CIRSR: variants seen among roughly 807,000 people sequenced by gnomAD.
CIRSR encodes the protein corepressor of RBPJ and splicing regulator.
At chr2:174,387,826 TAAAC>T in the CIRSR span, 1 of 1,482,548 alleles carries the variant, frequency 6.7e-7, no homozygotes, top group Non-Finnish European at 9.1e-7. Context: ...GGATTTAAAT[TAAAC>T]AAACTTTGCT....
chr2:174,351,869 A>C, the CIRSR span: 4 of 517,732 alleles, frequency 7.7e-6, no homozygotes, highest in African/African-American at 2.0e-5. Context: ...AAATAATCAG[A>C]TATGATTTTC....
chr2:174,354,480 ATAT>A, the CIRSR span, among the ~76,000 whole-genome samples: 1 of 87,392 alleles, frequency 1.1e-5, no homozygotes, highest in South Asian at 2.8e-4. Flanking sequence ...TATATAATAT[ATAT>A]TATATTATAT....
At chr2:174,360,532 T>A in the CIRSR span, among the ~76,000 whole-genome samples, 1 of 152,342 alleles carries the variant, frequency 6.6e-6, no homozygotes, top group South Asian at 2.1e-4. Flanking sequence ...ATTCTCCTTT[T>A]CTCAGGTAAT....
chr2:174,377,157 C>T, the CIRSR span, among the ~76,000 whole-genome samples: 3 of 151,982 alleles, frequency 2.0e-5, no homozygotes, highest in Non-Finnish European at 4.4e-5. Flanking sequence ...CTATAAAGTT[C>T]GAGTGAAAGA....
chr2:174,391,613 C>T, the CIRSR span, among the ~76,000 whole-genome samples: 2 of 151,918 alleles, frequency 1.3e-5, no homozygotes, highest in African/African-American at 2.4e-5. Flanking sequence ...ATAAATAAAT[C>T]TGAGGTGGGA....
the CIRSR span, chr2:174,370,051 G>A: frequency 2.2e-6 from 3 of 1,360,550 alleles, no homozygotes; most frequent in South Asian, 1.2e-5. Context: ...GATCAAATAA[G>A]GCATGCCTGC....
chr2:174,394,688 G>C, the CIRSR span, among the ~76,000 whole-genome samples: 23,599 of 152,138 alleles, frequency 0.16, 2,292 homozygotes, highest in Non-Finnish European at 0.23. Flanking sequence ...AGAATCACTG[G>C]TCTAGAAGTG....
the CIRSR span, among the ~76,000 whole-genome samples, chr2:174,357,098 G>A: frequency 6.6e-6 from 1 of 152,234 alleles, no homozygotes; most frequent in Admixed American, 6.5e-5. Context: ...TCCACATATT[G>A]TATTTGATTT....
the CIRSR span, among the ~76,000 whole-genome samples, chr2:174,369,604 G>A: frequency 3.3e-5 from 5 of 152,168 alleles, no homozygotes; most frequent in African/African-American, 1.2e-4. Flanking sequence ...TGATTAAAGT[G>A]AGAGATGTGT....
chr2:174,370,275 G>C, the CIRSR span, among the ~76,000 whole-genome samples: 104 of 152,256 alleles, frequency 6.8e-4, no homozygotes, highest in Non-Finnish European at 1.4e-3. Flanking sequence ...GGTCTCAAAC[G>C]CTGGTCTTGA....
the CIRSR span, chr2:174,378,558 C>G: frequency 4.2e-6 from 1 of 240,322 alleles, no homozygotes; most frequent in Non-Finnish European, 8.1e-6. Context: ...GAGATGGCTG[C>G]TGAGGCTTTC....
the CIRSR span, among the ~76,000 whole-genome samples, chr2:174,382,950 T>A: frequency 2.6e-5 from 4 of 152,310 alleles, no homozygotes; most frequent in Admixed American, 6.5e-5. Flanking sequence ...GACATGAGTA[T>A]AATTCCTCTC....
chr2:174,376,111 T>C, the CIRSR span, among the ~76,000 whole-genome samples: 1 of 152,214 alleles, frequency 6.6e-6, no homozygotes, highest in Non-Finnish European at 1.5e-5. Flanking sequence ...TCCTCCTGCC[T>C]TGGGCTTTCA....
chr2:174,381,102 A>G, the CIRSR span, among the ~76,000 whole-genome samples: 12 of 152,344 alleles, frequency 7.9e-5, no homozygotes, highest in African/African-American at 2.4e-4. Context: ...ATATTTAGTA[A>G]GAAGGACTAA....
chr2:174,348,023 TA>T, the CIRSR span: 2 of 155,690 alleles, frequency 1.3e-5, no homozygotes, highest in Admixed American at 6.3e-5. Context: ...AAAGGGGGCT[TA>T]AAAGTCTTAA....
chr2:174,381,817 C>CAAA, the CIRSR span: 2 of 1,057,180 alleles, frequency 1.9e-6, no homozygotes, highest in Admixed American at 2.9e-5. Context: ...TTATGTAGGA[C>CAAA]AAAAAAAAAA....
the CIRSR span, among the ~76,000 whole-genome samples, chr2:174,378,377 T>C: frequency 1.3e-5 from 2 of 152,216 alleles, no homozygotes; most frequent in African/African-American, 4.8e-5. Context: ...CACTAATAAA[T>C]TTAAGTTAAA....
the CIRSR span, among the ~76,000 whole-genome samples, chr2:174,356,620 AGAAGG>A: frequency 6.7e-6 from 1 of 150,066 alleles, no homozygotes; most frequent in Non-Finnish European, 1.5e-5. Flanking sequence ...GAAGGAAGGA[AGAAGG>A]GGAAGGGGAA....
the CIRSR span, among the ~76,000 whole-genome samples, chr2:174,383,905 A>C: frequency 9.2e-5 from 14 of 152,066 alleles, no homozygotes; most frequent in South Asian, 6.2e-4. Flanking sequence ...GGAGAAACTG[A>C]AACCCAAGTC....
Sources: allele counts gnomAD v4.1 joint callset (sites outside exome capture counted in the v4.1 genomes callset), GRCh38; gene constraint gnomAD v4.1.1; transcripts MANE v1.5; gene names NCBI Gene and HGNC (gene_info 2026-07-23, HGNC 2026-07-21).